The following CPB2 variants were observed in gnomAD, a reference collection of about 807,000 sequenced individuals.
The protein encoded by CPB2 is carboxypeptidase B2.
Under a neutral mutation model 57.0 loss-of-function variants are expected in CPB2, and 54 were observed. That is an observed-to-expected ratio of 0.95 (90% CI 0.76 to 1.19). CPB2 has a LOEUF of 1.19. Ranked by LOEUF, CPB2 falls within the 50% of genes most tolerant of loss-of-function variation. The pLI is 0.00. For missense variants in CPB2, 426 were observed against 512.0 expected (o/e 0.83, Z 1.62); for synonymous variants, 189 against 178.1 (o/e 1.06, Z -0.49).
In CPB2 at chr13:46,066,962, C is replaced by CT. The variant is rs200127221; in HGVS notation, c.702+344dup. Among the ~76,000 whole-genome samples, 459 of 141,894 alleles carry CT rather than the reference C, an allele frequency of 3.2e-3. 8 individuals are homozygous for CT. The highest frequency in any genetic ancestry group is 0.025 in the Admixed American group (353 of 14,304). The allele number at this position is 141,894 out of a possible 152,430, so 93.1% of individuals were successfully genotyped here. A position where few individuals can be genotyped will look rare whatever the true frequency, so the allele number is the denominator to read the frequency against. On this transcript the variant is annotated intron_variant, in intron 7 of 10. Coordinates refer to ENST00000181383, the MANE Select transcript of CPB2 (RefSeq NM_001872.5). Reference sequence around the variant, plus strand: ...TACTATAATTATTTTTTTCAGAGTTCTTTTTTTTTTAGAAATGCATACTGA... The same window carrying CT: ...TACTATAATTATTTTTTTCAGAGTTCTTTTTTTTTTTAGAAATGCATACTGA...
chr13:46,055,078 A>G (rs2044679344), intron 10 of CPB2, among the ~76,000 whole-genome samples: 1 of 151,138 alleles, frequency 6.6e-6, no homozygotes, highest in Non-Finnish European at 1.5e-5. Flanking sequence ...AATCATTAAA[A>G]AAAAAAAAAA....
intron 1 of CPB2, among the ~76,000 whole-genome samples, chr13:46,090,550 G>C (rs1205297802): frequency 3.3e-5 from 5 of 151,554 alleles, no homozygotes; most frequent in Admixed American, 1.3e-4. Flanking sequence ...TTTTAGTAGA[G>C]ACGTGGTTTC....
At chr13:46,089,792 A>T (rs17844182) in intron 1 of CPB2, among the ~76,000 whole-genome samples, 171 of 152,250 alleles carry the variant, frequency 1.1e-3, no homozygotes, top group African/African-American at 3.7e-3. Context: ...CCCTCCCCAA[A>T]CACAAGAATT....
In CPB2 at chr13:46,087,822, T is replaced by TG. The variant is rs764088307; in HGVS notation, c.75-3dup. The TG allele has an allele frequency of 1.9e-6, 3 of 1,599,784 alleles. No individual in the cohort carries two copies. In the South Asian group the frequency reaches 3.3e-5, roughly 18 times the overall value. ...GGAAGAGCAGCTAGAACTTGGCCAC[T>TG]GGGGAAAAAAATAAAAGAGGATTTT... is the stretch of plus-strand genomic sequence containing the variant. On this transcript the variant is annotated splice_polypyrimidine_tract_variant and splice_region_variant and intron_variant, in intron 1 of 10. Coordinates refer to ENST00000181383, the MANE Select transcript of CPB2 (RefSeq NM_001872.5).
At chr13:46,100,619 T>G (rs539242869) in intron 1 of CPB2, 4 of 152,320 alleles carry the variant, frequency 2.6e-5, no homozygotes, top group African/African-American at 9.6e-5. Flanking sequence ...GGATGTTTCC[T>G]CAAATTTACA....
intron 1 of CPB2, among the ~76,000 whole-genome samples, chr13:46,091,223 G>A (rs918676405): frequency 1.4e-4 from 22 of 152,140 alleles, no homozygotes; most frequent in African/African-American, 2.7e-4. Flanking sequence ...CTCTTTGCAA[G>A]TAATCATTAC....
At chr13:46,101,716 A>C (rs1303360583) in intron 1 of CPB2, among the ~76,000 whole-genome samples, 2 of 28,050 alleles carry the variant, frequency 7.1e-5, no homozygotes, top group African/African-American at 8.0e-4. Context: ...GTCACTTTAC[A>C]AAAAAAAGTA....
chr13:46,083,262 T>C (rs1020918527), intron 3 of CPB2, among the ~76,000 whole-genome samples: 24 of 152,222 alleles, frequency 1.6e-4, no homozygotes, highest in African/African-American at 5.5e-4. Flanking sequence ...TCTGCCATGT[T>C]CTTTCTGATT....
In CPB2 at chr13:46,055,862, AGAT is replaced by A; in HGVS notation, c.1000-16_1000-14del. ...TGGCTACTAGAGACTGGAAGCAACAAGATATAGAATTTCAGTTAATGTGCAGCT... is the reference window on the plus strand; with the variant it reads ...TGGCTACTAGAGACTGGAAGCAACAAATAGAATTTCAGTTAATGTGCAGCT... On this transcript the variant is annotated splice_polypyrimidine_tract_variant and intron_variant, in intron 9 of 10. Coordinates refer to ENST00000181383, the MANE Select transcript of CPB2 (RefSeq NM_001872.5). The A allele has an allele frequency of 6.9e-7, 1 of 1,444,746 alleles. No homozygotes were observed. Among genetic ancestry groups the A allele is most frequent in the East Asian group, 2.3e-5 (1 of 43,078 alleles). 89.5% of individuals were successfully genotyped at this position (1,444,746 alleles called of 1,614,324 possible).
At chr13:46,064,531 A>G in intron 8 of CPB2, 117 bp downstream of exon 8, 1 of 795,832 alleles carries the variant, frequency 1.3e-6, no homozygotes, top group South Asian at 1.7e-5. Context: ...TATCATTTAA[A>G]TTATTCCCTG....
intron 1 of CPB2, among the ~76,000 whole-genome samples, chr13:46,092,705 G>T (rs1324095368): frequency 6.6e-6 from 1 of 152,174 alleles, no homozygotes; most frequent in Non-Finnish European, 1.5e-5. Flanking sequence ...TTGTTGCCAA[G>T]TATAGGATAC....
intron 7 of CPB2, 111 bp downstream of exon 7, chr13:46,067,196 A>C: frequency 1.8e-6 from 1 of 544,940 alleles, no homozygotes; most frequent in Non-Finnish European, 3.3e-6. Flanking sequence ...AGTTAAAAAA[A>C]ATTAATAATA....
chr13:46,084,386 G>A, intron 2 of CPB2, 43 bp from the exon 3 acceptor site: 1 of 1,608,446 alleles, frequency 6.2e-7, no homozygotes, highest in Non-Finnish European at 8.5e-7. Flanking sequence ...AAAAAGAGTT[G>A]TTCACATCAT....
rs2044873381 is a variant in CPB2 at position 46,067,400 on chromosome 13, C to T, written c.609G>A (p.Gly203=). The T allele has an allele frequency of 1.3e-6, 2 of 1,569,390 alleles. No individual in the cohort carries two copies. Among genetic ancestry groups the T allele is most frequent in the Admixed American group, 1.7e-5 (1 of 59,534 alleles). ...WFIGHITQFY[G]IIGQYTNLLR... is the part of the protein sequence containing the mutation. The stretch of plus-strand genomic sequence containing the variant: ...GGAGATTGGTATATTGCCCTATTAT[C>T]CCATAGAATTGAGTTATCTGCAAAT... The change falls in exon 7 of 11, where the codon GGG becomes GGA. Residue 203 remains glycine, a synonymous_variant. Transcript: ENST00000181383.
In CPB2 at chr13:46,067,295, CT is replaced by C; in HGVS notation, c.702+11del. 2.3e-6 allele frequency: 3 copies of C among 1,328,628 alleles called. No individual in the cohort carries two copies. Among genetic ancestry groups the C allele is most frequent in the South Asian group, 1.2e-5 (1 of 84,326 alleles). The allele number at this position is 1,328,628 out of a possible 1,614,324, so 82.3% of individuals were successfully genotyped here. ...GGAGAACATGATTTGTCTTCTTTGC[CT>C]TTTCTCCTACCTTTTTCCATGAGTA... On this transcript the variant is annotated intron_variant, in intron 7 of 10. Transcript: ENST00000181383.
At chr13:46,075,465 T>C (rs187375383) in intron 5 of CPB2, among the ~76,000 whole-genome samples, 15 of 152,328 alleles carry the variant, frequency 9.8e-5, no homozygotes, top group African/African-American at 3.6e-4. Context: ...GAATGCATGA[T>C]TTTTCAACGT....
intron 5 of CPB2, 66 bp from the exon 6 acceptor site, chr13:46,074,043 T>G: frequency 1.2e-6 from 1 of 853,124 alleles, no homozygotes; most frequent in South Asian, 1.7e-5. Context: ...TAACTTTCAT[T>G]TATATAGTGC....
intron 8 of CPB2, among the ~76,000 whole-genome samples, chr13:46,060,241 T>C (rs926881062): frequency 6.6e-6 from 1 of 152,154 alleles, no homozygotes; most frequent in Non-Finnish European, 1.5e-5. Flanking sequence ...GGCAGGCGGA[T>C]CACTTGAGAT....
chr13:46,063,895 A>C (rs1354143343), intron 8 of CPB2, among the ~76,000 whole-genome samples: 1 of 151,636 alleles, frequency 6.6e-6, no homozygotes, highest in African/African-American at 2.4e-5. Flanking sequence ...TTATTAAAGA[A>C]ATTAAGAAAG....
Sources: gnomAD v4.1 joint callset for allele counts (sites outside exome capture counted in the v4.1 genomes callset) on GRCh38, gnomAD v4.1.1 for gene constraint, MANE v1.5 for transcripts, NCBI Gene and HGNC (gene_info 2026-07-23, HGNC 2026-07-21) for gene names.